The following PTPRE variants were observed in gnomAD, a reference collection of about 807,000 sequenced individuals.
The protein encoded by PTPRE is receptor-type tyrosine-protein phosphatase epsilon.
A neutral mutation model predicts 102.0 loss-of-function variants in PTPRE; 51 were observed. The observed-to-expected ratio is 0.50, with a 90% confidence interval of 0.40 to 0.63. The LOEUF (loss-of-function observed/expected upper bound fraction) is 0.63, where lower values mean the gene tolerates loss of function less well. Ranked by LOEUF, PTPRE falls within the 30% of genes least tolerant of loss-of-function variation. The pLI is 0.00. For missense variants in PTPRE, 752 were observed against 915.1 expected, an observed-to-expected ratio of 0.82 and a Z score of 2.30; for synonymous variants, 345 against 348.2, an observed-to-expected ratio of 0.99 and a Z score of 0.10.
intron 1 of PTPRE, among the ~76,000 whole-genome samples, chr10:127,971,230 G>T (rs1850704484): frequency 6.6e-6 from 1 of 152,200 alleles, no homozygotes; most frequent in Non-Finnish European, 1.5e-5. Flanking sequence ...TGGAACAAAT[G>T]GTTCACTTCA....
chr10:128,014,285 C>A (rs1339803019), intron 2 of PTPRE, among the ~76,000 whole-genome samples: 3 of 152,150 alleles, frequency 2.0e-5, no homozygotes, highest in Non-Finnish European at 4.4e-5. Context: ...AAATATGGAG[C>A]GTTCTCTCCT....
In PTPRE at chr10:127,908,000, C is replaced by T. The variant is rs1379309427; in HGVS notation, c.-31+691C>T. On this transcript the variant is annotated intron_variant, in intron 1 of 20. Transcript: ENST00000254667. This position sits in a 1 kb window ranked among gnomAD's most constrained non-coding sequence, Gnocchi z 4.8. ...TGCCAATTCTGAGAGCTCCCGGGAC[C>T]ATCTGGGGAAGGCCGGGCAACCCAC... Among the ~76,000 whole-genome samples, 3 of 152,192 alleles carry T rather than the reference C, an allele frequency of 2.0e-5. No individual in the cohort carries two copies. Among genetic ancestry groups the T allele is most frequent in the Non-Finnish European group, 4.4e-5 (3 of 68,026 alleles).
chr10:128,054,790 G>C (rs903762966), intron 6 of PTPRE, among the ~76,000 whole-genome samples: 3 of 152,146 alleles, frequency 2.0e-5, no homozygotes, highest in African/African-American at 7.2e-5. Context: ...AGGTCAGGCT[G>C]TGCTCTGCAT....
At chr10:128,046,907 G>A (rs1848137272) in intron 3 of PTPRE, among the ~76,000 whole-genome samples, 1 of 152,196 alleles carries the variant, frequency 6.6e-6, no homozygotes, top group African/African-American at 2.4e-5. Context: ...TGAAAGGTGG[G>A]GTCACAGTGC....
rs550298949 is a variant in PTPRE at position 128,067,247 on chromosome 10, CA to C, written c.844-875del. Among the ~76,000 whole-genome samples the C allele has an allele frequency of 8.5e-3, 1,273 of 149,716 alleles. 14 individuals carry two copies. The highest frequency in any genetic ancestry group is 0.028 in the African/African-American group (1,158 of 40,656). Reference sequence around the variant, plus strand: ...GCACACACATGCACACACGCACACACATTCATGCACATGCATACATGTGCAC... The same window carrying C: ...GCACACACATGCACACACGCACACACTTCATGCACATGCATACATGTGCAC... On this transcript the variant is annotated intron_variant, in intron 11 of 20. Coordinates refer to ENST00000254667, the MANE Select transcript of PTPRE (RefSeq NM_006504.6).
chr10:127,987,632 G>C (rs1303956931), intron 2 of PTPRE, among the ~76,000 whole-genome samples: 1 of 152,148 alleles, frequency 6.6e-6, no homozygotes, highest in African/African-American at 2.4e-5. Context: ...TAGTGCACTG[G>C]GGATGGCATG....
At position 128,077,671 on chromosome 10, in the gene PTPRE, G is replaced by T; in HGVS notation, c.1780G>T (p.Gly594Cys). Residue 594 changes from glycine (G) to cysteine (C), a missense_variant, in exon 19 of 21, where the codon GGC becomes TGC. Transcript: ENST00000254667. ...VRVVRQFHFHGWPEIGIPAEG... is the reference protein window; with the variant it reads ...VRVVRQFHFHCWPEIGIPAEG... ...AGTAGTGCGCCAGTTTCACTTCCAC[G>T]GCTGGCCTGAGATCGGGATTCCCGC... The T allele has an allele frequency of 6.2e-7, 1 of 1,613,690 alleles. No homozygotes were observed. Among genetic ancestry groups the T allele is most frequent in the Non-Finnish European group, 8.5e-7 (1 of 1,179,680 alleles).
intron 3 of PTPRE, among the ~76,000 whole-genome samples, chr10:128,046,595 T>G (rs1848108644): frequency 6.8e-6 from 1 of 146,302 alleles, no homozygotes; most frequent in African/African-American, 2.5e-5. Context: ...CCTCGAGGAG[T>G]GGGAACATTT....
intron 1 of PTPRE, among the ~76,000 whole-genome samples, chr10:127,921,182 A>G (rs748272782): frequency 2.8e-4 from 42 of 152,224 alleles, no homozygotes; most frequent in Non-Finnish European, 1.8e-4. Flanking sequence ...TTGAGGGTGC[A>G]CTTGCTGAGT....
chr10:128,043,845 A>G (rs1175357692), intron 3 of PTPRE, among the ~76,000 whole-genome samples: 1 of 152,236 alleles, frequency 6.6e-6, no homozygotes, highest in Non-Finnish European at 1.5e-5. Context: ...TCCAAGACAG[A>G]CAGCCGTACC....
At chr10:127,961,368 C>G (rs1589839857) in intron 1 of PTPRE, among the ~76,000 whole-genome samples, 1 of 151,958 alleles carries the variant, frequency 6.6e-6, no homozygotes, top group East Asian at 1.9e-4. Context: ...GTAAGGCACC[C>G]AGCACAGAGA....
At chr10:128,073,603 A>G in intron 17 of PTPRE, 132 bp downstream of exon 17, 4 of 1,149,474 alleles carry the variant, frequency 3.5e-6, no homozygotes, top group Non-Finnish European at 4.7e-6. Context: ...ACCACTAGGG[A>G]AGGAGAGAGA....
At chr10:128,071,885 T>G in intron 15 of PTPRE, 1 of 383,840 alleles carries the variant, frequency 2.6e-6, no homozygotes, top group Non-Finnish European at 4.7e-6. Context: ...AGTGCTTGTA[T>G]TTTGGTATGT....
At chr10:127,959,191 C>T (rs1035439658) in intron 1 of PTPRE, among the ~76,000 whole-genome samples, 4 of 152,182 alleles carry the variant, frequency 2.6e-5, no homozygotes, top group Admixed American at 6.5e-5. Context: ...CCACCACGCC[C>T]GGCTGAAATT....
chr10:128,067,292 G>A (rs544267471), intron 11 of PTPRE, among the ~76,000 whole-genome samples: 8 of 134,398 alleles, frequency 6.0e-5, no homozygotes, highest in Admixed American at 1.5e-4. Context: ...ACCCACACAC[G>A]CACAGATGCA....
intron 11 of PTPRE, among the ~76,000 whole-genome samples, chr10:128,066,740 T>TA (rs1158009476): frequency 6.6e-6 from 1 of 152,218 alleles, no homozygotes; most frequent in Non-Finnish European, 1.5e-5. Context: ...GATTTAAAGA[T>TA]ACAGTCATTG....
intron 3 of PTPRE, among the ~76,000 whole-genome samples, chr10:128,042,887 AC>A (rs1847821471): frequency 6.6e-6 from 1 of 152,250 alleles, no homozygotes. Flanking sequence ...AGAGAATATG[AC>A]CAGGTAGAAT....
intron 2 of PTPRE, among the ~76,000 whole-genome samples, chr10:128,025,923 A>C (rs1049704175): frequency 2.0e-5 from 3 of 152,132 alleles, no homozygotes; most frequent in African/African-American, 7.2e-5. Context: ...ATGGGGAGGG[A>C]GACAAATATT....
intron 3 of PTPRE, among the ~76,000 whole-genome samples, chr10:128,046,446 C>T (rs951233612): frequency 1.3e-5 from 2 of 152,194 alleles, no homozygotes; most frequent in African/African-American, 2.4e-5. Flanking sequence ...CCCCAGAAAC[C>T]CGGGAGCCAA....
Sources: allele counts gnomAD v4.1 joint callset (sites outside exome capture counted in the v4.1 genomes callset), GRCh38; gene constraint gnomAD v4.1.1; non-coding constraint Gnocchi (gnomAD v3.1); transcripts MANE v1.5; gene names NCBI Gene and HGNC (gene_info 2026-07-23, HGNC 2026-07-21).